MYRIP: variants seen among roughly 807,000 people sequenced by gnomAD.
The protein encoded by MYRIP is myosin VIIA and Rab interacting protein, also known as rab effector MyRIP.
In MYRIP, 49 loss-of-function variants were observed where a neutral mutation model predicts 98.0. That is an observed-to-expected ratio of 0.50 (90% CI 0.40 to 0.63). MYRIP has a LOEUF of 0.63. Ranked by LOEUF, MYRIP falls within the 30% of genes least tolerant of loss-of-function variation. MYRIP has a pLI of 0.00. For synonymous variants in MYRIP, 404 were observed against 409.5 expected (o/e 0.99, Z 0.16); for missense variants, 1,004 against 1,058.2 (o/e 0.95, Z 0.71).
At chr3:40,146,725 A>G (rs1415774304) in intron 3 of MYRIP, among the ~76,000 whole-genome samples, 1 of 152,174 alleles carries the variant, frequency 6.6e-6, no homozygotes, top group Non-Finnish European at 1.5e-5. Flanking sequence ...ATGCACACAC[A>G]CATGCATGCA....
intron 2 of MYRIP, among the ~76,000 whole-genome samples, chr3:39,954,176 T>C (rs946734985): frequency 1.3e-5 from 2 of 152,112 alleles, no homozygotes; most frequent in African/African-American, 2.4e-5. Flanking sequence ...TCTCCCAGCA[T>C]GGAGTTTGAG....
intron 3 of MYRIP, among the ~76,000 whole-genome samples, chr3:40,098,922 T>C (rs1028657917): frequency 1.1e-4 from 16 of 148,806 alleles, no homozygotes; most frequent in Admixed American, 4.0e-4. Flanking sequence ...TGTGTGTGCG[T>C]GTGTGTGTGT....
chr3:39,913,802 A>G (rs1944085157), intron 2 of MYRIP, among the ~76,000 whole-genome samples: 1 of 152,214 alleles, frequency 6.6e-6, no homozygotes, highest in African/African-American at 2.4e-5. Context: ...CACGAGGACA[A>G]TAACTGCTAC....
At chr3:39,859,027 A>G (rs1942384806) in intron 1 of MYRIP, among the ~76,000 whole-genome samples, 2 of 152,008 alleles carry the variant, frequency 1.3e-5, no homozygotes, top group South Asian at 4.1e-4. Context: ...AAAGAAAGGA[A>G]GCAATAAATA....
chr3:40,161,126 A>G (rs1222844976), intron 4 of MYRIP, among the ~76,000 whole-genome samples: 1 of 152,196 alleles, frequency 6.6e-6, no homozygotes, highest in Non-Finnish European at 1.5e-5. Flanking sequence ...GCTGAGCCAC[A>G]TGAAATTAGA....
chr3:39,978,896 A>G (rs1945817846), intron 2 of MYRIP, among the ~76,000 whole-genome samples: 1 of 151,420 alleles, frequency 6.6e-6, no homozygotes, highest in African/African-American at 2.4e-5. Flanking sequence ...AAGCTGTAGC[A>G]TTTTTTCACT....
At chr3:39,879,656 A>G (rs1444608016) in intron 1 of MYRIP, among the ~76,000 whole-genome samples, 1 of 152,174 alleles carries the variant, frequency 6.6e-6, no homozygotes, top group Non-Finnish European at 1.5e-5. Context: ...CTCTGGTTTC[A>G]TAGGAAAGCT....
intron 1 of MYRIP, among the ~76,000 whole-genome samples, chr3:39,859,662 A>G (rs939492864): frequency 6.6e-5 from 10 of 152,228 alleles, no homozygotes; most frequent in Admixed American, 5.9e-4. Flanking sequence ...AGTATCATAC[A>G]CTATGGTTAA....
chr3:40,120,463 A>G (rs1223309904), intron 3 of MYRIP, among the ~76,000 whole-genome samples: 1 of 152,250 alleles, frequency 6.6e-6, no homozygotes, highest in African/African-American at 2.4e-5. Context: ...ACAGGCTCAC[A>G]TCAGTGTGTC....
In MYRIP at chr3:39,828,986, GA is replaced by G. The variant is rs369256140; in HGVS notation, c.-31+19071del. On this transcript the variant is annotated intron_variant, in intron 1 of 16. Coordinates refer to ENST00000302541, the MANE Select transcript of MYRIP (RefSeq NM_015460.4). Reference sequence around the variant, plus strand: ...ATAAAGACTTCTTTTTCTCTGGGTCGATACCCAGTAGTGGGATTGCTGGATC... The same window carrying G: ...ATAAAGACTTCTTTTTCTCTGGGTCGTACCCAGTAGTGGGATTGCTGGATC... 7.9e-3 allele frequency among the ~76,000 whole-genome samples: 1,195 copies of G among 152,212 alleles called. 15 individuals are homozygous for G. Among genetic ancestry groups the G allele is most frequent in the African/African-American group, 0.027 (1,128 of 41,524 alleles).
chr3:40,224,580 C>G (rs902556683), intron 11 of MYRIP, among the ~76,000 whole-genome samples: 10 of 152,108 alleles, frequency 6.6e-5, no homozygotes, highest in African/African-American at 2.4e-4. Context: ...TCAGACAATA[C>G]TAGGTACCAT....
At chr3:40,031,595 T>C (rs1358265862) in intron 2 of MYRIP, among the ~76,000 whole-genome samples, 1 of 152,126 alleles carries the variant, frequency 6.6e-6, no homozygotes, top group Non-Finnish European at 1.5e-5. Context: ...TTTTGCCTAC[T>C]GGCTTAGCGG....
chr3:40,013,024 T>C (rs903414147), intron 2 of MYRIP, among the ~76,000 whole-genome samples: 3 of 152,182 alleles, frequency 2.0e-5, no homozygotes, highest in African/African-American at 7.2e-5. Flanking sequence ...CTGCACTTAC[T>C]GAGGGAGGAA....
intron 2 of MYRIP, among the ~76,000 whole-genome samples, chr3:39,927,766 G>A (rs1259107461): frequency 6.6e-6 from 1 of 151,996 alleles, no homozygotes; most frequent in East Asian, 1.9e-4. Flanking sequence ...CAGTCTCCCT[G>A]ATGCACATAG....
chr3:40,023,840 C>T (rs1023335710), intron 2 of MYRIP, among the ~76,000 whole-genome samples: 1 of 152,178 alleles, frequency 6.6e-6, no homozygotes, highest in African/African-American at 2.4e-5. Context: ...ATCCTAGATA[C>T]TGTTCTTTCT....
chr3:40,241,497 T>C (rs1466596828), intron 12 of MYRIP, among the ~76,000 whole-genome samples: 10 of 151,778 alleles, frequency 6.6e-5, no homozygotes, highest in Non-Finnish European at 1.2e-4. Flanking sequence ...TCCAACAAGA[T>C]GCTCTAAGGT....
intron 2 of MYRIP, among the ~76,000 whole-genome samples, chr3:39,931,923 G>A (rs910770998): frequency 2.0e-5 from 3 of 152,176 alleles, no homozygotes; most frequent in South Asian, 2.1e-4. Flanking sequence ...ATTCTGTTGA[G>A]GATTTTTGCA....
intron 2 of MYRIP, among the ~76,000 whole-genome samples, chr3:40,020,320 T>C (rs1209748573): frequency 6.7e-6 from 1 of 150,014 alleles, no homozygotes; most frequent in East Asian, 1.9e-4. Flanking sequence ...CTTCTAGATG[T>C]GTGATAGAGT....
At chr3:40,142,450 A>G (rs952114787) in intron 3 of MYRIP, among the ~76,000 whole-genome samples, 1 of 152,100 alleles carries the variant, frequency 6.6e-6, no homozygotes, top group African/African-American at 2.4e-5. Context: ...AATTATCCTC[A>G]GGGATTTCAG....
Sources: allele counts gnomAD v4.1 joint callset (sites outside exome capture counted in the v4.1 genomes callset), GRCh38; gene constraint gnomAD v4.1.1; transcripts MANE v1.5; gene names NCBI Gene and HGNC (gene_info 2026-07-23, HGNC 2026-07-21).